NTRK3: variants seen among roughly 807,000 people sequenced by gnomAD.
NTRK3 encodes NT-3 growth factor receptor.
In NTRK3, 24 loss-of-function variants were observed where a neutral mutation model predicts 91.7. That is an observed-to-expected ratio of 0.26 (90% CI 0.19 to 0.37). The LOEUF (loss-of-function observed/expected upper bound fraction) is 0.37, where lower values mean the gene tolerates loss of function less well. Among genes scored for constraint, NTRK3 ranks in the 10% least tolerant of loss-of-function variants. The pLI is 1.00. For missense variants in NTRK3, 880 were observed against 1,068.9 expected (o/e 0.82, Z 2.46); for synonymous variants, 483 against 404.0 (o/e 1.20, Z -2.34).
At chr15:87,991,886 G>A (rs961988193) in intron 14 of NTRK3, among the ~76,000 whole-genome samples, 1 of 151,542 alleles carries the variant, frequency 6.6e-6, no homozygotes, top group Admixed American at 6.6e-5. Flanking sequence ...GATATCTGAG[G>A]ATATCTTTGT....
chr15:88,086,292 A>G (rs2048492509), intron 13 of NTRK3, among the ~76,000 whole-genome samples: 1 of 152,220 alleles, frequency 6.6e-6, no homozygotes. Context: ...CCAACTCAGT[A>G]GCCACTAGCT....
At chr15:87,998,751 T>C (rs957063534) in intron 14 of NTRK3, among the ~76,000 whole-genome samples, 3 of 152,110 alleles carry the variant, frequency 2.0e-5, no homozygotes, top group South Asian at 2.1e-4. Context: ...ATTGAAACAA[T>C]TGCCTGCACT....
chr15:88,218,948 G>A (rs1323323369), intron 3 of NTRK3, among the ~76,000 whole-genome samples: 1 of 152,244 alleles, frequency 6.6e-6, no homozygotes. Context: ...AGGACCGTCT[G>A]TACTGGAGGG....
At chr15:88,081,159 G>C (rs7174756) in intron 13 of NTRK3, among the ~76,000 whole-genome samples, 1 of 152,136 alleles carries the variant, frequency 6.6e-6, no homozygotes, top group Non-Finnish European at 1.5e-5. Context: ...TCCCTCCTGC[G>C]TGAGTGTGCC....
intron 17 of NTRK3, among the ~76,000 whole-genome samples, chr15:87,920,618 C>A (rs975169080): frequency 6.6e-6 from 1 of 152,210 alleles, no homozygotes; most frequent in Non-Finnish European, 1.5e-5. Context: ...CCAGACTGCA[C>A]AGTTCTAAAA....
At chr15:88,250,927 T>C (rs2053285278) in intron 3 of NTRK3, among the ~76,000 whole-genome samples, 1 of 152,272 alleles carries the variant, frequency 6.6e-6, no homozygotes, top group African/African-American at 2.4e-5. Flanking sequence ...TCCAGTGTTT[T>C]CTTCTCACAC....
At chr15:88,061,440 G>A (rs868720778) in intron 13 of NTRK3, among the ~76,000 whole-genome samples, 4 of 152,226 alleles carry the variant, frequency 2.6e-5, no homozygotes, top group African/African-American at 9.6e-5. Context: ...AAGGTGTGGG[G>A]TGGGTCAGCC....
intron 5 of NTRK3, among the ~76,000 whole-genome samples, chr15:88,174,942 C>A (rs73451441): frequency 0.048 from 7,258 of 152,322 alleles, 556 homozygotes; most frequent in African/African-American, 0.16. Context: ...AACCACCACT[C>A]ACCATTTACT....
chr15:88,156,117 G>A (rs2151390360), intron 5 of NTRK3, among the ~76,000 whole-genome samples: 1 of 152,310 alleles, frequency 6.6e-6, no homozygotes, highest in African/African-American at 2.4e-5. Context: ...TTCCCCAGAT[G>A]TCAATCCATC....
At chr15:88,104,597 T>C (rs1323659128) in intron 13 of NTRK3, among the ~76,000 whole-genome samples, 2 of 152,232 alleles carry the variant, frequency 1.3e-5, no homozygotes, top group African/African-American at 4.8e-5. Context: ...GAAGTTCAGT[T>C]ACTTCAAATT....
chr15:88,145,268 A>T (rs569065274), intron 6 of NTRK3, among the ~76,000 whole-genome samples: 1 of 152,352 alleles, frequency 6.6e-6, no homozygotes, highest in East Asian at 1.9e-4. Flanking sequence ...TCCAGCCAAA[A>T]GATGAATTTT....
At chr15:88,202,735 G>A (rs538195031) in intron 3 of NTRK3, among the ~76,000 whole-genome samples, 1 of 152,338 alleles carries the variant, frequency 6.6e-6, no homozygotes, top group South Asian at 2.1e-4. Flanking sequence ...ATGTTGCCAA[G>A]GAGAGCATCC....
chr15:88,232,105 G>C (rs1567688556), intron 3 of NTRK3, among the ~76,000 whole-genome samples: 1 of 152,048 alleles, frequency 6.6e-6, no homozygotes, highest in Non-Finnish European at 1.5e-5. Context: ...CAGGTGATGG[G>C]GGATCTTGCA....
intron 17 of NTRK3, among the ~76,000 whole-genome samples, chr15:87,890,246 A>G (rs958578466): frequency 6.6e-6 from 1 of 152,240 alleles, no homozygotes; most frequent in South Asian, 2.1e-4. Flanking sequence ...ATCTGATATT[A>G]TAAAGTTCCC....
chr15:88,158,433 C>A (rs1487378289), intron 5 of NTRK3, among the ~76,000 whole-genome samples: 2 of 152,196 alleles, frequency 1.3e-5, no homozygotes, highest in East Asian at 3.9e-4. Context: ...GGTGTGCTGC[C>A]TCCTGCAGCC....
intron 14 of NTRK3, among the ~76,000 whole-genome samples, chr15:87,984,235 C>T (rs892258221): frequency 4.6e-5 from 7 of 152,156 alleles, no homozygotes; most frequent in African/African-American, 1.4e-4. Flanking sequence ...GAGCACCCAC[C>T]CCAGGCCACT....
At chr15:88,086,253 G>T (rs2048487459) in intron 13 of NTRK3, among the ~76,000 whole-genome samples, 1 of 152,114 alleles carries the variant, frequency 6.6e-6, no homozygotes, top group South Asian at 2.1e-4. Context: ...TTTTCATTGA[G>T]CACTTACTAT....
intron 3 of NTRK3, among the ~76,000 whole-genome samples, chr15:88,199,727 A>G (rs570346547): frequency 6.6e-6 from 1 of 152,176 alleles, no homozygotes. Flanking sequence ...TAACTCCAGC[A>G]CCGGGGAAAG....
At chr15:88,140,561 C>T (rs2042290958) in intron 6 of NTRK3, among the ~76,000 whole-genome samples, 1 of 152,210 alleles carries the variant, frequency 6.6e-6, no homozygotes. Context: ...TTATGTGAGT[C>T]ATATCTATCA....
Sources: allele counts gnomAD v4.1 joint callset (sites outside exome capture counted in the v4.1 genomes callset), GRCh38; gene constraint gnomAD v4.1.1; transcripts MANE v1.5; gene names NCBI Gene and HGNC (gene_info 2026-07-23, HGNC 2026-07-21).